REC114: variants seen among roughly 807,000 people sequenced by gnomAD.
REC114 encodes meiotic recombination protein REC114.
REC114 carries 27 observed loss-of-function variants against 31.3 expected under a neutral mutation model. The ratio of observed to expected loss-of-function variants is 0.86; its 90% CI spans 0.64 to 1.19. The LOEUF (loss-of-function observed/expected upper bound fraction) is 1.19. Ranked by LOEUF, REC114 falls within the 50% of genes most tolerant of loss-of-function variation. The probability of loss-of-function intolerance (pLI) is 0.00; values close to 1 mark genes in which losing one functional copy is unlikely to be tolerated. For synonymous variants in REC114, 134 were observed against 127.7 expected (o/e 1.05, Z -0.33); for missense variants, 344 against 326.9 (o/e 1.05, Z -0.40).
chr15:73,455,622 T>C (rs1261121242), intron 1 of REC114, among the ~76,000 whole-genome samples: 1 of 152,212 alleles, frequency 6.6e-6, no homozygotes, highest in African/African-American at 2.4e-5. Context: ...ATCTAATATA[T>C]TTTATAGAAT....
chr15:73,542,168 T>A (rs942744055), intron 3 of REC114, among the ~76,000 whole-genome samples: 6 of 151,520 alleles, frequency 4.0e-5, no homozygotes, highest in Non-Finnish European at 5.9e-5. Context: ...CCATCTTTTT[T>A]AAAAATACAA....
intron 2 of REC114, among the ~76,000 whole-genome samples, chr15:73,526,209 T>C (rs1894005073): frequency 6.6e-6 from 1 of 152,182 alleles, no homozygotes; most frequent in African/African-American, 2.4e-5. Context: ...TCTGTTTCTT[T>C]ACATTCAAAA....
chr15:73,490,102 A>G (rs1448368474), intron 2 of REC114, among the ~76,000 whole-genome samples: 1 of 152,228 alleles, frequency 6.6e-6, no homozygotes, highest in East Asian at 1.9e-4. Context: ...CCATTCCAAA[A>G]GAATTTCACT....
chr15:73,529,041 G>T (rs1001526249), intron 2 of REC114, among the ~76,000 whole-genome samples: 1 of 152,042 alleles, frequency 6.6e-6, no homozygotes, highest in Non-Finnish European at 1.5e-5. Context: ...GATACTTGAT[G>T]ATATTACGGA....
intron 2 of REC114, among the ~76,000 whole-genome samples, chr15:73,481,205 T>C (rs1309060416): frequency 6.6e-6 from 1 of 152,212 alleles, no homozygotes; most frequent in East Asian, 1.9e-4. Flanking sequence ...AACATGGTTT[T>C]GGGCTTTCTG....
chr15:73,468,775 T>G (rs568275346), intron 1 of REC114, among the ~76,000 whole-genome samples: 1 of 152,060 alleles, frequency 6.6e-6, no homozygotes, highest in Non-Finnish European at 1.5e-5. Flanking sequence ...AGATGTTGGA[T>G]TTTGTCAAAT....
intron 2 of REC114, among the ~76,000 whole-genome samples, chr15:73,538,251 C>G (rs1210596993): frequency 1.3e-5 from 2 of 152,004 alleles, no homozygotes; most frequent in Admixed American, 6.6e-5. Flanking sequence ...GTGTAAAACA[C>G]ACACTGGATT....
At chr15:73,525,905 T>C (rs1204243310) in intron 2 of REC114, among the ~76,000 whole-genome samples, 6 of 152,186 alleles carry the variant, frequency 3.9e-5, no homozygotes. Context: ...GTCTACAAGT[T>C]CTGTCCATTA....
chr15:73,458,891 A>G (rs1473286546), intron 1 of REC114, among the ~76,000 whole-genome samples: 1 of 152,190 alleles, frequency 6.6e-6, no homozygotes, highest in East Asian at 1.9e-4. Flanking sequence ...TAAGGGTTCT[A>G]TTACCCCATA....
intron 2 of REC114, among the ~76,000 whole-genome samples, chr15:73,501,807 T>G (rs968507090): frequency 2.0e-5 from 3 of 152,360 alleles, no homozygotes; most frequent in African/African-American, 7.2e-5. Context: ...ATTTTATGTT[T>G]GGTTCTTGAG....
chr15:73,452,902 A>C (rs899071755), intron 1 of REC114, among the ~76,000 whole-genome samples: 3 of 152,204 alleles, frequency 2.0e-5, no homozygotes, highest in African/African-American at 7.2e-5. Context: ...CTATTTAATA[A>C]ATGGTGTTGG....
intron 2 of REC114, among the ~76,000 whole-genome samples, chr15:73,487,934 T>C (rs1893394235): frequency 6.6e-6 from 1 of 152,206 alleles, no homozygotes; most frequent in Non-Finnish European, 1.5e-5. Flanking sequence ...AAGGTAGCCA[T>C]GCCTCCACAG....
At chr15:73,493,750 A>G (rs929074400) in intron 2 of REC114, among the ~76,000 whole-genome samples, 3 of 152,214 alleles carry the variant, frequency 2.0e-5, no homozygotes, top group Non-Finnish European at 4.4e-5. Flanking sequence ...TTCTTCTGTA[A>G]GGAATCAGTT....
intron 2 of REC114, among the ~76,000 whole-genome samples, chr15:73,521,202 G>C (rs1445099562): frequency 6.6e-6 from 1 of 152,134 alleles, no homozygotes; most frequent in Non-Finnish European, 1.5e-5. Flanking sequence ...CCTCTCAATA[G>C]CAAATAGAAG....
At chr15:73,491,867 T>C (rs916045766) in intron 2 of REC114, among the ~76,000 whole-genome samples, 2 of 151,662 alleles carry the variant, frequency 1.3e-5, no homozygotes, top group African/African-American at 4.8e-5. Context: ...GCCGCTACAC[T>C]CCAGCCTGGG....
intron 2 of REC114, among the ~76,000 whole-genome samples, chr15:73,531,301 A>G (rs1035720033): frequency 6.6e-6 from 1 of 152,148 alleles, no homozygotes; most frequent in African/African-American, 2.4e-5. Flanking sequence ...TTTGGACTTC[A>G]GATTGTGTAC....
rs757662196 is a variant in REC114 at position 73,556,307 on chromosome 15, C to T, written c.552C>T (p.His184=). The change falls in exon 5 of 6, where the codon CAC becomes CAT. Residue 184 remains histidine (H), a synonymous_variant. Transcript: ENST00000331090. ...AKSVPRQPGS[H]QHSEQQQVCV... is the part of the protein sequence containing the mutation. The stretch of plus-strand genomic sequence containing the variant: ...TGCATGTTGTTTTATTCCAGTCCCA[C>T]CAGCACTCAGAACAACAGCAAGTGT... 1 of 1,613,482 alleles carries T rather than the reference C, an allele frequency of 6.2e-7. No individual in the cohort carries two copies.
intron 2 of REC114, among the ~76,000 whole-genome samples, chr15:73,513,188 A>T (rs1411584887): frequency 6.8e-6 from 1 of 147,140 alleles, no homozygotes; most frequent in Non-Finnish European, 1.5e-5. Flanking sequence ...GCTTCATTTC[A>T]TTCATTTCAT....
At position 73,473,829 on chromosome 15, in the gene REC114, A is replaced by G. The variant is rs1332560042; in HGVS notation, c.160-3A>G. On this transcript the variant is annotated splice_polypyrimidine_tract_variant and splice_region_variant and intron_variant, in intron 1 of 5. Coordinates refer to ENST00000331090, the MANE Select transcript of REC114 (RefSeq NM_001042367.2). ...ACATATTTTTCTCCTTCTCCCTTTC[A>G]AGGTTTTTGATTCCAATGAAGAATC... The G allele has an allele frequency of 1.3e-6, 2 of 1,541,992 alleles. No individual in the cohort carries two copies. The highest frequency in any genetic ancestry group is 1.2e-5 in the South Asian group (1 of 84,120).
Sources: allele counts gnomAD v4.1 joint callset (sites outside exome capture counted in the v4.1 genomes callset), GRCh38; gene constraint gnomAD v4.1.1; transcripts MANE v1.5; gene names NCBI Gene and HGNC (gene_info 2026-07-23, HGNC 2026-07-21).